The following DCAF6 variants were observed in gnomAD, a reference collection of about 807,000 sequenced individuals.
DCAF6 encodes the protein DDB1 and CUL4 associated factor 6.
A neutral mutation model predicts 125.1 loss-of-function variants in DCAF6; 54 were observed. The observed-to-expected ratio is 0.43, with a 90% confidence interval of 0.35 to 0.54. The LOEUF (loss-of-function observed/expected upper bound fraction) is 0.54, where lower values mean the gene tolerates loss of function less well. Ranked by LOEUF, DCAF6 falls within the 20% of genes least tolerant of loss-of-function variation. The pLI is 0.01. For synonymous variants in DCAF6, 371 were observed against 390.4 expected (o/e 0.95, Z 0.58); for missense variants, 934 against 1,161.7 (o/e 0.80, Z 2.85).
At chr1:167,958,174 G>C in intron 2 of DCAF6, among the ~76,000 whole-genome samples, 1 of 152,002 alleles carries the variant, frequency 6.6e-6, no homozygotes. Context: ...TTTGCTGTTT[G>C]CTTGGGCTGT....
chr1:167,936,090 A>G, upstream of DCAF6: 1 of 564,600 alleles, frequency 1.8e-6, no homozygotes, highest in Non-Finnish European at 3.2e-6. Flanking sequence ...CCGGCAGGAG[A>G]GAGGGAGGAG....
At chr1:167,900,759 T>A in the DCAF6 span, among the ~76,000 whole-genome samples, 1 of 152,336 alleles carries the variant, frequency 6.6e-6, no homozygotes, top group African/African-American at 2.4e-5. Flanking sequence ...CTCAAACTCC[T>A]GACCTCAGGT....
the DCAF6 span, among the ~76,000 whole-genome samples, chr1:167,926,620 ATGCTGCTGCTGCTGCCGC>A: frequency 6.6e-6 from 1 of 152,138 alleles, no homozygotes; most frequent in East Asian, 1.9e-4. Context: ...ACTGCTGCAG[ATGCTGCTGCTGCTGCCGC>A]TGCTGCTGCC....
chr1:168,002,185 C>T (rs938238524), intron 7 of DCAF6, among the ~76,000 whole-genome samples: 17 of 152,036 alleles, frequency 1.1e-4, no homozygotes, highest in African/African-American at 4.1e-4. Flanking sequence ...CTTTTGTCAG[C>T]TGGAAGGTGA....
the DCAF6 span, chr1:167,919,963 T>C: frequency 1.3e-6 from 2 of 1,570,378 alleles, no homozygotes; most frequent in Middle Eastern, 1.7e-4. Flanking sequence ...TTTAAAAATA[T>C]CTCTGGTAGG....
chr1:167,983,451 A>G (rs992751483), intron 4 of DCAF6, among the ~76,000 whole-genome samples: 4 of 152,046 alleles, frequency 2.6e-5, no homozygotes, highest in African/African-American at 9.7e-5. Context: ...TAAGGGTTAG[A>G]TAGAGATTTC....
chr1:168,042,616 A>T (rs1348073462), intron 13 of DCAF6: 1 of 154,576 alleles, frequency 6.5e-6, no homozygotes, highest in African/African-American at 2.4e-5. Flanking sequence ...TACTAATTTT[A>T]AAGTAGCCTG....
chr1:167,907,145 T>C, the DCAF6 span, among the ~76,000 whole-genome samples: 3 of 152,198 alleles, frequency 2.0e-5, no homozygotes, highest in Non-Finnish European at 4.4e-5. Context: ...ACAGGTGTAA[T>C]GTCAGTAATC....
At chr1:167,975,147 G>A (rs1677955115) in intron 4 of DCAF6, 132 bp downstream of exon 4, 1 of 483,938 alleles carries the variant, frequency 2.1e-6, no homozygotes, top group Non-Finnish European at 3.5e-6. Flanking sequence ...ATAAATTATT[G>A]ACAATATCTA....
intron 16 of DCAF6, among the ~76,000 whole-genome samples, chr1:168,050,314 C>G (rs1205021953): frequency 6.6e-6 from 1 of 152,108 alleles, no homozygotes; most frequent in African/African-American, 2.4e-5. Context: ...GTAAATTTGG[C>G]AGCATTTATT....
intron 3 of DCAF6, among the ~76,000 whole-genome samples, chr1:167,971,748 C>T (rs1677342853): frequency 6.6e-6 from 1 of 152,076 alleles, no homozygotes; most frequent in Admixed American, 6.6e-5. Context: ...GCAATTATAC[C>T]TCTCTAGGGC....
At chr1:167,902,185 T>A in the DCAF6 span, 1 of 935,310 alleles carries the variant, frequency 1.1e-6, no homozygotes. Context: ...ATACTAAAGA[T>A]CTCATCCCAG....
chr1:167,941,160 A>G (rs566965999), intron 1 of DCAF6, among the ~76,000 whole-genome samples: 4 of 152,238 alleles, frequency 2.6e-5, no homozygotes, highest in East Asian at 3.9e-4. Flanking sequence ...AAATATTTGT[A>G]TTTTGTTTCT....
chr1:167,977,345 C>T (rs1678409795), intron 4 of DCAF6, among the ~76,000 whole-genome samples: 1 of 145,830 alleles, frequency 6.9e-6, no homozygotes, highest in South Asian at 2.2e-4. Context: ...AATGCCAGTT[C>T]TTCAAAGATA....
chr1:167,968,148 G>C (rs1355203353), intron 3 of DCAF6, among the ~76,000 whole-genome samples: 1 of 152,104 alleles, frequency 6.6e-6, no homozygotes, highest in South Asian at 2.1e-4. Flanking sequence ...GATTGTATCA[G>C]TCGGGTTCTA....
At chr1:167,913,225 CAAG>C in the DCAF6 span, among the ~76,000 whole-genome samples, 9 of 152,224 alleles carry the variant, frequency 5.9e-5, no homozygotes, top group East Asian at 5.8e-4. Flanking sequence ...AAAGATAAAC[CAAG>C]AAGGATTCCT....
At chr1:168,004,028 CA>C (rs774154568) in intron 9 of DCAF6, 39 bp downstream of exon 9, 3 of 1,594,726 alleles carry the variant, frequency 1.9e-6, no homozygotes, top group South Asian at 1.1e-5. Context: ...AGAAAGCTGG[CA>C]AAAACTACTT....
chr1:168,023,226 G>A (rs752116620), intron 12 of DCAF6, 179 bp downstream of exon 12: 35 of 625,420 alleles, frequency 5.6e-5, no homozygotes, highest in Non-Finnish European at 8.8e-5. Context: ...GGCCTATACA[G>A]ATTATTTTCT....
chr1:168,048,322 T>G (rs1689394201), intron 16 of DCAF6, among the ~76,000 whole-genome samples: 1 of 152,318 alleles, frequency 6.6e-6, no homozygotes, highest in East Asian at 1.9e-4. Context: ...AAATTAAATA[T>G]TATACAAGTG....
Sources: allele counts gnomAD v4.1 joint callset (sites outside exome capture counted in the v4.1 genomes callset), GRCh38; gene constraint gnomAD v4.1.1; transcripts MANE v1.5; gene names NCBI Gene and HGNC (gene_info 2026-07-23, HGNC 2026-07-21).